CEP295: variants seen among roughly 807,000 people sequenced by gnomAD.
CEP295 encodes centrosomal protein 295.
A neutral mutation model predicts 291.6 loss-of-function variants in CEP295; 190 were observed. The observed-to-expected ratio is 0.65, with a 90% CI of 0.58 to 0.73. CEP295 has a LOEUF of 0.73. Ranked by LOEUF, CEP295 falls within the 30% of genes least tolerant of loss-of-function variation. The probability of loss-of-function intolerance (pLI) is 0.00; values close to 1 mark genes in which losing one functional copy is unlikely to be tolerated. For missense variants in CEP295, 2,863 were observed against 2,949.4 expected, an observed-to-expected ratio of 0.97 and a Z score of 0.68; for synonymous variants, 993 against 1,038.8, an observed-to-expected ratio of 0.96 and a Z score of 0.85.
intron 3 of CEP295, among the ~76,000 whole-genome samples, chr11:93,668,529 A>G (rs926530099): frequency 6.6e-6 from 1 of 152,122 alleles, no homozygotes; most frequent in African/African-American, 2.4e-5. Context: ...CCATATCACT[A>G]TATATTTTAC....
chr11:93,674,785 T>C (rs1690273284), intron 5 of CEP295, among the ~76,000 whole-genome samples: 1 of 152,230 alleles, frequency 6.6e-6, no homozygotes, highest in African/African-American at 2.4e-5. Context: ...CATGGTTTAT[T>C]ATTTAATTTA....
At chr11:93,717,935 A>T (rs188776364) in intron 18 of CEP295, among the ~76,000 whole-genome samples, 2 of 152,318 alleles carry the variant, frequency 1.3e-5, no homozygotes, top group Admixed American at 6.5e-5. Flanking sequence ...GTTTTGAGAC[A>T]GGGTCTTGCT....
chr11:93,730,012 C>T lies in CEP295; in HGVS notation c.7668-37C>T, dbSNP rs775817410. 3.4e-6 allele frequency: 5 copies of T among 1,486,366 alleles called. No homozygotes were observed. The African/African-American group carries it at 5.8e-5, about 17-fold the overall frequency. The allele number at this position is 1,486,366 out of a possible 1,614,324, so 92.1% of individuals were successfully genotyped here. On this transcript the variant is annotated intron_variant, in intron 28 of 29. Coordinates refer to ENST00000325212, the MANE Select transcript of CEP295 (RefSeq NM_033395.2). ...TTTTTTTTTAGTGATTCACTTTTTG[C>T]AGTGTTTGTCTCTAATTCTATATAA...
chr11:93,681,799 G>A (rs1218750453), intron 7 of CEP295, among the ~76,000 whole-genome samples: 7 of 151,404 alleles, frequency 4.6e-5, no homozygotes, highest in East Asian at 3.9e-4. Context: ...TGCCTGCCTC[G>A]ACCTCCCAAA....
intron 9 of CEP295, among the ~76,000 whole-genome samples, chr11:93,685,700 C>CTTGTTTG (rs1951197740): frequency 1.3e-5 from 2 of 150,576 alleles, no homozygotes; most frequent in Admixed American, 1.3e-4. Context: ...TCAGCTGTGT[C>CTTGTTTG]TTTGTTTGTT....
intron 17 of CEP295, among the ~76,000 whole-genome samples, chr11:93,704,350 G>A (rs1423730405): frequency 3.3e-5 from 5 of 152,108 alleles, no homozygotes; most frequent in Non-Finnish European, 7.4e-5. Flanking sequence ...GGTATGCCAG[G>A]TGCAATGACT....
intron 18 of CEP295, among the ~76,000 whole-genome samples, chr11:93,713,066 A>G (rs998865971): frequency 1.3e-5 from 2 of 152,110 alleles, no homozygotes; most frequent in Non-Finnish European, 1.5e-5. Flanking sequence ...ATAAACAAGC[A>G]AAGAGAAAAC....
In CEP295 at chr11:93,672,124, T is replaced by C. The variant is rs117744254; in HGVS notation, c.528+2354T>C. Among the ~76,000 whole-genome samples, 276 of 152,334 alleles carry C rather than the reference T, an allele frequency of 1.8e-3. 10 individuals are homozygous for C. The East Asian group carries it at 0.051, about 28-fold the overall frequency. On this transcript the variant is annotated intron_variant, in intron 5 of 29. Transcript: ENST00000325212. ...AAGTAACGTAACCAAAGTCCTTTAA[T>C]AGGTAAGTGCGATAACCAGAGTTTA...
intron 18 of CEP295, among the ~76,000 whole-genome samples, chr11:93,709,712 A>T (rs1952767984): frequency 6.6e-6 from 1 of 152,228 alleles, no homozygotes; most frequent in Non-Finnish European, 1.5e-5. Context: ...GATTGCATTG[A>T]ATCTGCAGAT....
rs1952260028 is a variant in CEP295, at chr11:93,702,871, G to C, written c.5548G>C (p.Ala1850Pro). Reference sequence around the variant, plus strand: ...GGACTTAAACCAGCATGAACTTAGTGCTATACAAGAAGTAGAGTCACCAGC... The same window carrying C: ...GGACTTAAACCAGCATGAACTTAGTCCTATACAAGAAGTAGAGTCACCAGC... ...GLDLNQHELS[A>P]IQEVESPAIG... The change falls in exon 17 of 30, where the codon GCT becomes CCT. Residue 1850 changes from alanine to proline, a missense_variant. This residue lies in a region of CEP295 where 2,295 missense variants were observed against 2,335.7 expected (regional missense o/e 0.98). Coordinates refer to ENST00000325212, the MANE Select transcript of CEP295 (RefSeq NM_033395.2). 6.4e-7 allele frequency: 1 copy of C among 1,551,530 alleles called. No individual in the cohort carries two copies. Among genetic ancestry groups the C allele is most frequent in the African/African-American group, 1.4e-5 (1 of 73,044 alleles).
Position 93,706,740 on chromosome 11 carries a change from C to T in CEP295, c.5597-5C>T. On this transcript the variant is annotated splice_region_variant and splice_polypyrimidine_tract_variant and intron_variant, in intron 17 of 29. Coordinates refer to ENST00000325212, the MANE Select transcript of CEP295 (RefSeq NM_033395.2). ...ATTGAAGTGGAAATATTTTTTCCCC[C>T]CCAGGTAAACCAGGTATTTATGAAG... 6.6e-7 allele frequency: 1 copy of T among 1,510,314 alleles called. No individual in the cohort carries two copies. The highest frequency in any genetic ancestry group is 8.9e-7 in the Non-Finnish European group (1 of 1,128,916). 93.6% of individuals were successfully genotyped at this position (1,510,314 alleles called of 1,614,324 possible). A position where few individuals can be genotyped will look rare whatever the true frequency, so the allele number is the denominator to read the frequency against.
rs774408569 is a variant in CEP295 at position 93,730,073 on chromosome 11, G to T, written c.7692G>T (p.Val2564=). ...GLRLYNQLAE[V]KQQKEEKTKQ... is the part of the protein sequence containing the mutation. ...GGTTATACAATCAACTAGCTGAAGT[G>T]AAACAACAAAAGGAAGAAAAAACAA... Residue 2564 remains valine (V), a synonymous_variant, in exon 29 of 30, where the codon GTG becomes GTT. Coordinates refer to ENST00000325212, the MANE Select transcript of CEP295 (RefSeq NM_033395.2). The T allele has an allele frequency of 1.5e-5, 23 of 1,549,962 alleles. No individual in the cohort carries two copies. In the South Asian group the frequency reaches 2.6e-4, roughly 18 times the overall value.
intron 5 of CEP295, among the ~76,000 whole-genome samples, chr11:93,671,975 A>G (rs989308864): frequency 6.6e-6 from 1 of 152,172 alleles, no homozygotes; most frequent in Non-Finnish European, 1.5e-5. Context: ...GAGAATTGAT[A>G]CTTCTTGTGT....
At chr11:93,721,760 G>C (rs755888713) in intron 19 of CEP295, 194 bp from the exon 20 acceptor site, 6 of 721,110 alleles carry the variant, frequency 8.3e-6, no homozygotes, top group Non-Finnish European at 1.5e-5. Context: ...AGGGTGGGGG[G>C]GTGCGTATGT....
At position 93,697,799 on chromosome 11, in the gene CEP295, A is replaced by C; in HGVS notation, c.2887A>C (p.Ser963Arg). 3 of 1,551,786 alleles carry C rather than the reference A, an allele frequency of 1.9e-6. 1 individual carries two copies. Among genetic ancestry groups the C allele is most frequent in the Non-Finnish European group, 2.6e-6 (3 of 1,147,000 alleles). ...AGAGCAGTTGAATATTCAGAAGGAT[A>C]GCCTTCAGGCTAGGCGAGAAGCCCA... ...LQEQLNIQKD[S>R]LQARREAQEV... Residue 963 changes from serine (S) to arginine (R), a missense_variant, in exon 15 of 30, where the codon AGC (serine) becomes CGC (arginine). This residue lies in a region of CEP295 where 2,295 missense variants were observed against 2,335.7 expected (regional missense o/e 0.98). Coordinates refer to ENST00000325212, the MANE Select transcript of CEP295 (RefSeq NM_033395.2).
chr11:93,723,012 T>C (rs183439688), intron 20 of CEP295, 29 bp from the exon 21 acceptor site: 6 of 1,543,122 alleles, frequency 3.9e-6, no homozygotes, highest in South Asian at 1.2e-5. Context: ...CTGGCCTATT[T>C]ACATATTTTC....
chr11:93,666,467 A>C (rs561809831), intron 1 of CEP295, among the ~76,000 whole-genome samples: 2 of 152,058 alleles, frequency 1.3e-5, no homozygotes, highest in East Asian at 1.9e-4. Flanking sequence ...GGTGGCATGC[A>C]CCTGTAATCC....
intron 5 of CEP295, among the ~76,000 whole-genome samples, chr11:93,671,567 T>A (rs560599320): frequency 1.2e-3 from 185 of 152,344 alleles, no homozygotes; most frequent in African/African-American, 4.2e-3. Flanking sequence ...GTGGTACTTA[T>A]AAACTAAGAT....
At chr11:93,694,217 C>CT (rs1206854128) in intron 12 of CEP295, among the ~76,000 whole-genome samples, 1 of 152,130 alleles carries the variant, frequency 6.6e-6, no homozygotes, top group Admixed American at 6.6e-5. Flanking sequence ...ACGTGCATTC[C>CT]TTTTTTTACT....
Sources: gnomAD v4.1 joint callset for allele counts (sites outside exome capture counted in the v4.1 genomes callset) on GRCh38, gnomAD v4.1.1 for gene constraint, gnomAD v4.1.1 regional missense constraint, MANE v1.5 for transcripts, NCBI Gene and HGNC (gene_info 2026-07-23, HGNC 2026-07-21) for gene names.